FBXW7: variants seen among roughly 807,000 people sequenced by gnomAD.
FBXW7 encodes the protein F-box and WD repeat domain containing 7.
In FBXW7, 11 loss-of-function variants were observed where a neutral mutation model predicts 86.3. The observed-to-expected ratio is 0.13, with a 90% CI of 0.08 to 0.21. The LOEUF (loss-of-function observed/expected upper bound fraction) is 0.21, where lower values mean the gene tolerates loss of function less well. Ranked by LOEUF, FBXW7 falls within the 10% of genes least tolerant of loss-of-function variation. The probability of loss-of-function intolerance (pLI) is 1.00; values close to 1 mark genes in which losing one functional copy is unlikely to be tolerated. For missense variants in FBXW7, 488 were observed against 847.4 expected (o/e 0.58, Z 5.27); for synonymous variants, 313 against 297.9 (o/e 1.05, Z -0.52).
chr4:152,394,192 C>T (rs1229053010), intron 4 of FBXW7, among the ~76,000 whole-genome samples: 1 of 152,000 alleles, frequency 6.6e-6, no homozygotes, highest in African/African-American at 2.4e-5. Context: ...CTGTGAAAAA[C>T]TTAGATATTT....
chr4:152,477,393 C>T (rs1313226679), intron 2 of FBXW7, among the ~76,000 whole-genome samples: 2 of 152,112 alleles, frequency 1.3e-5, no homozygotes, highest in African/African-American at 2.4e-5. Context: ...TCCTTCCACC[C>T]TCATTGAATA....
chr4:152,353,534 G>A (rs557664945), intron 4 of FBXW7, among the ~76,000 whole-genome samples: 2 of 152,222 alleles, frequency 1.3e-5, no homozygotes, highest in South Asian at 4.1e-4. Context: ...TACTACCTAA[G>A]TGTGTAAAGT....
intron 4 of FBXW7, among the ~76,000 whole-genome samples, chr4:152,364,471 T>A (rs892899713): frequency 1.3e-5 from 2 of 152,204 alleles, no homozygotes; most frequent in African/African-American, 4.8e-5. Context: ...TCATAATATT[T>A]ATGAAAGAAA....
At chr4:152,518,020 G>A (rs1748659390) in intron 2 of FBXW7, among the ~76,000 whole-genome samples, 3 of 151,838 alleles carry the variant, frequency 2.0e-5, no homozygotes, top group Middle Eastern at 3.4e-3. Context: ...ACAAAGTCTC[G>A]CTGTGTCGCC....
chr4:152,428,421 T>C (rs1233477394), intron 2 of FBXW7, among the ~76,000 whole-genome samples: 2 of 152,220 alleles, frequency 1.3e-5, no homozygotes, highest in African/African-American at 2.4e-5. Context: ...TTTATTCTTA[T>C]CTAAAACCAT....
At chr4:152,491,530 GA>G (rs1472229417) in intron 2 of FBXW7, among the ~76,000 whole-genome samples, 14 of 152,164 alleles carry the variant, frequency 9.2e-5, no homozygotes, top group African/African-American at 3.4e-4. Context: ...GTGACGTTTA[GA>G]ATGATATTTG....
intron 2 of FBXW7, among the ~76,000 whole-genome samples, chr4:152,430,390 T>C (rs1246453737): frequency 6.6e-6 from 1 of 152,176 alleles, no homozygotes; most frequent in Non-Finnish European, 1.5e-5. Flanking sequence ...TGAAAAACTT[T>C]TTAAATTTCT....
chr4:152,443,124 T>A (rs892742191), intron 2 of FBXW7, among the ~76,000 whole-genome samples: 17 of 151,842 alleles, frequency 1.1e-4, no homozygotes, highest in African/African-American at 3.9e-4. Context: ...TAGCCGGGCG[T>A]GGTGGTGCAT....
chr4:152,342,597 T>A (rs575973173), intron 6 of FBXW7, among the ~76,000 whole-genome samples: 1 of 152,242 alleles, frequency 6.6e-6, no homozygotes, highest in Non-Finnish European at 1.5e-5. Flanking sequence ...TGGGTAGTAC[T>A]GCACCTGAAT....
intron 2 of FBXW7, among the ~76,000 whole-genome samples, chr4:152,425,988 C>T (rs1486490712): frequency 1.3e-5 from 2 of 152,140 alleles, no homozygotes; most frequent in Non-Finnish European, 2.9e-5. Context: ...CCCACCCCTG[C>T]CTACACCCCA....
chr4:152,517,537 G>T (rs1239226221), intron 2 of FBXW7, among the ~76,000 whole-genome samples: 1 of 152,062 alleles, frequency 6.6e-6, no homozygotes, highest in Non-Finnish European at 1.5e-5. Context: ...AAAGATTAAG[G>T]TCCCAGGCTC....
intron 2 of FBXW7, among the ~76,000 whole-genome samples, chr4:152,524,368 C>G (rs1360323530): frequency 6.6e-6 from 1 of 152,126 alleles, no homozygotes; most frequent in African/African-American, 2.4e-5. Flanking sequence ...GAAAAAACAA[C>G]AGAACAAAAA....
At chr4:152,339,163 T>C (rs1479800421) in intron 6 of FBXW7, among the ~76,000 whole-genome samples, 2 of 152,200 alleles carry the variant, frequency 1.3e-5, no homozygotes, top group African/African-American at 4.8e-5. Flanking sequence ...TATATTCCAT[T>C]TTACCACCTA....
chr4:152,355,563 A>G (rs1732291187), intron 4 of FBXW7, among the ~76,000 whole-genome samples: 1 of 152,184 alleles, frequency 6.6e-6, no homozygotes, highest in South Asian at 2.1e-4. Context: ...TCATTACAAT[A>G]ATTTTCATGG....
chr4:152,349,941 G>C (rs968353781), intron 5 of FBXW7, 101 bp downstream of exon 5: 1 of 581,116 alleles, frequency 1.7e-6, no homozygotes, highest in Non-Finnish European at 2.9e-6. Context: ...ACAGTCAACC[G>C]TACTAGTAAC....
intron 2 of FBXW7, among the ~76,000 whole-genome samples, chr4:152,427,840 T>A (rs1739523804): frequency 6.6e-6 from 1 of 152,186 alleles, no homozygotes; most frequent in Non-Finnish European, 1.5e-5. Flanking sequence ...AGTTGTATAA[T>A]CAAATACACT....
intron 4 of FBXW7, among the ~76,000 whole-genome samples, chr4:152,392,047 G>A (rs1435702467): frequency 1.3e-5 from 2 of 152,074 alleles, no homozygotes; most frequent in African/African-American, 4.8e-5. Flanking sequence ...GTTTTAATGT[G>A]CCTGATTTTT....
rs563579614 is a variant in FBXW7, at chr4:152,508,843, T to C, written c.-120+26098A>G. 7.9e-5 allele frequency among the ~76,000 whole-genome samples: 12 copies of C among 151,934 alleles called. No homozygotes were observed. In the South Asian group the frequency reaches 1.5e-3, roughly 18 times the overall value. Reference sequence around the variant, plus strand: ...TGAATCACAAAGGAAAAAAAGCAACTAGAGTGGACAAACCTGATACCACCT... The same window carrying C: ...TGAATCACAAAGGAAAAAAAGCAACCAGAGTGGACAAACCTGATACCACCT... On this transcript the variant is annotated intron_variant, in intron 2 of 13. Coordinates refer to ENST00000281708, the MANE Select transcript of FBXW7 (RefSeq NM_001349798.2).
At chr4:152,385,687 G>A (rs1392810141) in intron 4 of FBXW7, among the ~76,000 whole-genome samples, 1 of 152,012 alleles carries the variant, frequency 6.6e-6, no homozygotes, top group Non-Finnish European at 1.5e-5. Context: ...CAAATGTGGA[G>A]TTTTTTAGTG....
Sources: allele counts gnomAD v4.1 joint callset (sites outside exome capture counted in the v4.1 genomes callset), GRCh38; gene constraint gnomAD v4.1.1; transcripts MANE v1.5; gene names NCBI Gene and HGNC (gene_info 2026-07-23, HGNC 2026-07-21).